RBM14: variants seen among roughly 807,000 people sequenced by gnomAD.
RBM14 encodes the protein RNA binding motif protein 14.
A neutral mutation model predicts 52.8 loss-of-function variants in RBM14; 5 were observed. The observed-to-expected ratio is 0.09, with a 90% CI of 0.05 to 0.20. The LOEUF (loss-of-function observed/expected upper bound fraction) is 0.20, where lower values mean the gene tolerates loss of function less well. Among genes scored for constraint, RBM14 ranks in the 10% least tolerant of loss-of-function variants. The probability of loss-of-function intolerance (pLI) is 1.00; values close to 1 mark genes in which losing one functional copy is unlikely to be tolerated. For synonymous variants in RBM14, 411 were observed against 401.8 expected, an observed-to-expected ratio of 1.02 and a Z score of -0.28; for missense variants, 780 against 926.6, an observed-to-expected ratio of 0.84 and a Z score of 2.05.
rs1406212095 is a variant in RBM14, at chr11:66,625,243, C to T, written c.1367C>T (p.Pro456Leu). The change falls in exon 2 of 3, where the codon CCA becomes CTA. Residue 456 changes from proline to leucine, a missense_variant. Physicochemically the swap from Pro to Leu is moderately conservative, Grantham distance 98 (BLOSUM62 -3). Coordinates refer to ENST00000310137, the MANE Select transcript of RBM14 (RefSeq NM_006328.4). The surrounding 1 kb of genome is among the most constrained non-coding windows in gnomAD (Gnocchi z 4.2). Reference sequence around the variant, plus strand: ...GCCTACGCCGCACAAGCCACTACCCCAATGGCTGGCTCCTATGGGGCCCAG... The same window carrying T: ...GCCTACGCCGCACAAGCCACTACCCTAATGGCTGGCTCCTATGGGGCCCAG... ...PAAYAAQATT[P>L]MAGSYGAQPV... 6.2e-7 allele frequency: 1 copy of T among 1,612,846 alleles called. No individual in the cohort carries two copies. Among genetic ancestry groups the T allele is most frequent in the Non-Finnish European group, 8.5e-7 (1 of 1,179,902 alleles).
chr11:66,627,971 C>G lies in RBM14; in HGVS notation c.*1303C>G, dbSNP rs540142906. ...GAGCATCCTCCTGTGTCCTGCCAAC[C>G]CCTGCCATTATAGTCACCGGAGACT... On this transcript the variant is annotated 3_prime_UTR_variant, in exon 3 of 3. Coordinates refer to ENST00000310137, the MANE Select transcript of RBM14 (RefSeq NM_006328.4). 2.6e-5 allele frequency among the ~76,000 whole-genome samples: 4 copies of G among 152,136 alleles called. No homozygotes were observed. The highest frequency in any genetic ancestry group is 9.6e-5 in the African/African-American group (4 of 41,486).
rs562613922 is a variant in RBM14, at chr11:66,627,741, A to G, written c.*1073A>G. Among the ~76,000 whole-genome samples, 1 of 152,202 alleles carries G rather than the reference A, an allele frequency of 6.6e-6. No individual in the cohort carries two copies. Among genetic ancestry groups the G allele is most frequent in the African/African-American group, 2.4e-5 (1 of 41,526 alleles). ...GAAGTGGGGAATGGGCTGCTGTGGTATTTACAGGCTAGTAGATCCTTTAGG... is the reference window on the plus strand; with the variant it reads ...GAAGTGGGGAATGGGCTGCTGTGGTGTTTACAGGCTAGTAGATCCTTTAGG... On this transcript the variant is annotated 3_prime_UTR_variant, in exon 3 of 3. Transcript: ENST00000310137.
chr11:66,624,571 C>T lies in RBM14; in HGVS notation c.695C>T (p.Ala232Val), dbSNP rs1450743316. ...GCCTCTTATGTGGCTCCTCTGACGG[C>T]CCAGCCAGCTACCTACCGGGCCCAG... ...PRASYVAPLT[A>V]QPATYRAQPS... The change falls in exon 2 of 3, where the codon GCC becomes GTC. Residue 232 changes from alanine (A) to valine (V), a missense_variant. Around this residue, in one of 4 missense-constraint regions of RBM14, gnomAD observed 675 missense variants for 697.3 expected, o/e 0.97. Transcript: ENST00000310137. The surrounding 1 kb of genome is among the most constrained non-coding windows in gnomAD (Gnocchi z 4.7). 1.3e-5 allele frequency: 21 copies of T among 1,612,384 alleles called. No homozygotes were observed. Among genetic ancestry groups the T allele is most frequent in the Non-Finnish European group, 1.6e-5 (19 of 1,180,006 alleles).
In RBM14 at chr11:66,629,650, G is replaced by A. The variant is rs1937969093; in HGVS notation, c.*2982G>A. ...TGGACCTAGTATATACTATGTAACA[G>A]ATGGAAAACTGAATTTTACAATCTA... is the stretch of plus-strand genomic sequence containing the variant. On this transcript the variant is annotated 3_prime_UTR_variant, in exon 3 of 3. Coordinates refer to ENST00000310137, the MANE Select transcript of RBM14 (RefSeq NM_006328.4). Among the ~76,000 whole-genome samples, 1 of 152,184 alleles carries A rather than the reference G, an allele frequency of 6.6e-6. No individual in the cohort carries two copies.
chr11:66,623,371 C>T (rs1590845209), intron 1 of RBM14, among the ~76,000 whole-genome samples: 1 of 152,216 alleles, frequency 6.6e-6, no homozygotes, highest in East Asian at 1.9e-4. Flanking sequence ...TTCTCTGCTT[C>T]TAAGCCTAAA....
chr11:66,626,371 C>T, intron 2 of RBM14, 90 bp from the exon 3 acceptor site: 2 of 1,274,600 alleles, frequency 1.6e-6, no homozygotes, highest in Non-Finnish European at 1.1e-6. Context: ...TGATCACACC[C>T]TCCCTGTCCC....
rs1040166986 is a variant in RBM14 at position 66,624,040 on chromosome 11, C to A, written c.338-174C>A. 3.6e-6 allele frequency: 4 copies of A among 1,117,172 alleles called. No homozygotes were observed. The African/African-American group carries it at 6.2e-5, about 17-fold the overall frequency. The allele number at this position is 1,117,172 out of a possible 1,614,324, so 69.2% of individuals were successfully genotyped here. On this transcript the variant is annotated intron_variant, in intron 1 of 2. Coordinates refer to ENST00000310137, the MANE Select transcript of RBM14 (RefSeq NM_006328.4). This position sits in a 1 kb window ranked among gnomAD's most constrained non-coding sequence, Gnocchi z 4.7. ...GGCAAAGATGACTGCTTGGGACAGT[C>A]AGAAGCTTTGTTATATGGGAGCTAC...
intron 2 of RBM14, among the ~76,000 whole-genome samples, 189 bp from the exon 3 acceptor site, chr11:66,626,272 C>G (rs1408331705): frequency 6.6e-6 from 1 of 152,118 alleles, no homozygotes; most frequent in Non-Finnish European, 1.5e-5. Flanking sequence ...TTTGATTTCC[C>G]ACTGAGTTGA....
chr11:66,620,557 C>T (rs1590842431), intron 1 of RBM14, among the ~76,000 whole-genome samples: 2 of 152,146 alleles, frequency 1.3e-5, no homozygotes, highest in East Asian at 3.8e-4. Flanking sequence ...CTGCCTCGGC[C>T]TCCCAAAGTG....
chr11:66,617,458 C>CGTCGGTG (rs1858891619), intron 1 of RBM14: 1 of 1,027,814 alleles, frequency 9.7e-7, no homozygotes, highest in Non-Finnish European at 1.2e-6. Context: ...CCTCTCCAGA[C>CGTCGGTG]GTCGGTCAGA....
Position 66,624,930 on chromosome 11 carries a change from G to A in RBM14, c.1054G>A (p.Ala352Thr). ...CCAGCCATCCTCTTACGGCGCCCAG[G>A]CTGCCTCTTCCTATGGGGTTCGTGC... ...GNQPSSYGAQ[A>T]ASSYGVRAAA... Residue 352 changes from alanine (A) to threonine (T), a missense_variant, in exon 2 of 3, where the codon GCT (alanine) becomes ACT (threonine). Transcript: ENST00000310137. This position sits in a 1 kb window ranked among gnomAD's most constrained non-coding sequence, Gnocchi z 4.7. 1 of 1,613,790 alleles carries A rather than the reference G, an allele frequency of 6.2e-7. No homozygotes were observed. Among genetic ancestry groups the A allele is most frequent in the Non-Finnish European group, 8.5e-7 (1 of 1,179,944 alleles).
chr11:66,618,213 C>G (rs1333908707), intron 1 of RBM14, among the ~76,000 whole-genome samples: 1 of 152,058 alleles, frequency 6.6e-6, no homozygotes, highest in Non-Finnish European at 1.5e-5. Flanking sequence ...TTAACTTTGC[C>G]CTGTCATTTT....
In RBM14 at chr11:66,625,157, C is replaced by G. The variant is rs764619368; in HGVS notation, c.1281C>G (p.Ser427=). 3 of 1,612,776 alleles carry G rather than the reference C, an allele frequency of 1.9e-6. No homozygotes were observed. Among genetic ancestry groups the G allele is most frequent in the Non-Finnish European group, 2.5e-6 (3 of 1,179,998 alleles). ...YAAQQAASYS[S]QPAAYVAQPA... is the part of the protein sequence containing the mutation. ...CACAGCAGGCTGCTTCCTACTCTTC[C>G]CAACCTGCTGCCTATGTGGCACAGC... The change falls in exon 2 of 3, where the codon TCC becomes TCG. Residue 427 remains serine, a synonymous_variant. Transcript: ENST00000310137. The surrounding 1 kb of genome is among the most constrained non-coding windows in gnomAD (Gnocchi z 4.2).
intron 1 of RBM14, among the ~76,000 whole-genome samples, chr11:66,622,272 C>G (rs1208526030): frequency 5.3e-5 from 8 of 150,114 alleles, no homozygotes; most frequent in Admixed American, 5.3e-4. Context: ...TGCTGTGTCA[C>G]CCAGACTGGA....
In RBM14 at chr11:66,624,671, C is replaced by T; in HGVS notation, c.795C>T (p.Pro265=). ...ASLGVGYRTQ[P]MTAQAASYRA... is the part of the protein sequence containing the mutation. ...TGGGTGTTGGCTATCGGACTCAGCC[C>T]ATGACAGCCCAGGCAGCCTCTTACC... The change falls in exon 2 of 3, where the codon CCC becomes CCT. Residue 265 remains proline (P), a synonymous_variant. Transcript: ENST00000310137. The surrounding 1 kb of genome is among the most constrained non-coding windows in gnomAD (Gnocchi z 4.7). 1.9e-6 allele frequency: 3 copies of T among 1,613,628 alleles called. No homozygotes were observed. Among genetic ancestry groups the T allele is most frequent in the Non-Finnish European group, 1.7e-6 (2 of 1,179,874 alleles).
rs1937927507 is a variant in RBM14 at position 66,628,796 on chromosome 11, AG to A, written c.*2129del. On this transcript the variant is annotated 3_prime_UTR_variant, in exon 3 of 3. Transcript: ENST00000310137. ...TGTGTATTTGCAATTTTTCTTTGTC[AG>A]TGTGGCTTTCTGTCATCTTCCTTTT... is the stretch of plus-strand genomic sequence containing the variant. Among the ~76,000 whole-genome samples, 1 of 152,132 alleles carries A rather than the reference AG, an allele frequency of 6.6e-6. No individual in the cohort carries two copies. The highest frequency in any genetic ancestry group is 6.5e-5 in the Admixed American group (1 of 15,270).
At position 66,624,973 on chromosome 11, in the gene RBM14, A is replaced by ACACCCAG. The variant is rs1182922394; in HGVS notation, c.1098_1104dup (p.Gly369HisfsTer37). 1 of 1,613,192 alleles carries ACACCCAG rather than the reference A, an allele frequency of 6.2e-7. No homozygotes were observed. The highest frequency in any genetic ancestry group is 8.5e-7 in the Non-Finnish European group (1 of 1,179,802). ...GTTCGTGCAGCTGCTTCTTCCTACA[A>ACACCCAG]CACCCAGGGAGCAGCTTCCTCCTTA... On this transcript the variant is annotated frameshift_variant, in exon 2 of 3. Transcript: ENST00000310137. LOFTEE classifies it high-confidence loss of function. This position sits in a 1 kb window ranked among gnomAD's most constrained non-coding sequence, Gnocchi z 4.7.
chr11:66,626,948 T>G lies in RBM14; in HGVS notation c.*280T>G, dbSNP rs560059648. The G allele has an allele frequency of 3.0e-6, 1 of 333,450 alleles. No homozygotes were observed. The highest frequency in any genetic ancestry group is 1.1e-4 in the South Asian group (1 of 8,926). 20.7% of individuals were successfully genotyped at this position (333,450 alleles called of 1,614,324 possible). ...CCAGAATGGGAATTTCTTTTATGTT[T>G]TTATTTTTTTCCTGGCTCCCTTTTA... On this transcript the variant is annotated 3_prime_UTR_variant, in exon 3 of 3. Coordinates refer to ENST00000310137, the MANE Select transcript of RBM14 (RefSeq NM_006328.4).
intron 1 of RBM14, among the ~76,000 whole-genome samples, chr11:66,620,489 A>G (rs1342143523): frequency 6.6e-6 from 1 of 152,000 alleles, no homozygotes; most frequent in African/African-American, 2.4e-5. Context: ...TTTAGTAGAG[A>G]CAGGGTTTCA....
Sources: allele counts gnomAD v4.1 joint callset (sites outside exome capture counted in the v4.1 genomes callset), GRCh38; gene constraint gnomAD v4.1.1; regional missense constraint gnomAD v4.1.1; non-coding constraint Gnocchi (gnomAD v3.1); transcripts MANE v1.5; gene names NCBI Gene and HGNC (gene_info 2026-07-23, HGNC 2026-07-21).